The following HMGA2 variants were observed in gnomAD, a reference collection of about 807,000 sequenced individuals.
HMGA2 encodes high mobility group AT-hook 2.
A neutral mutation model predicts 19.1 loss-of-function variants in HMGA2; 8 were observed. The observed-to-expected ratio is 0.42, with a 90% CI of 0.25 to 0.76. The LOEUF (loss-of-function observed/expected upper bound fraction) is 0.76. Ranked by LOEUF, HMGA2 falls within the 30% of genes least tolerant of loss-of-function variation. The pLI, the probability that HMGA2 is intolerant of heterozygous loss-of-function variation, is 0.28. For synonymous variants in HMGA2, 60 were observed against 48.8 expected, an observed-to-expected ratio of 1.23 and a Z score of -0.96; for missense variants, 109 against 136.3, an observed-to-expected ratio of 0.80 and a Z score of 1.00.
chr12:65,896,502 G>T (rs529002704), intron 3 of HMGA2, among the ~76,000 whole-genome samples: 165 of 152,340 alleles, frequency 1.1e-3, no homozygotes, highest in South Asian at 2.5e-3. Context: ...TGTAGGGGGA[G>T]TGTGGTGCTT....
In HMGA2 at chr12:65,922,187, C is replaced by G. The variant is rs573984843; in HGVS notation, c.250-29196C>G. ...GCTGTGAGAAGAGGGTCACCATCCCCCAGGCCCCAGAATGGTAGATCTACT... is the reference window on the plus strand; with the variant it reads ...GCTGTGAGAAGAGGGTCACCATCCCGCAGGCCCCAGAATGGTAGATCTACT... On this transcript the variant is annotated intron_variant, in intron 3 of 4. Transcript: ENST00000403681. 2.6e-5 allele frequency among the ~76,000 whole-genome samples: 4 copies of G among 152,266 alleles called. No individual in the cohort carries two copies. In the East Asian group the frequency reaches 7.7e-4, roughly 29 times the overall value.
At chr12:65,841,818 G>A (rs913571958) in intron 3 of HMGA2, among the ~76,000 whole-genome samples, 12 of 152,112 alleles carry the variant, frequency 7.9e-5, no homozygotes, top group Non-Finnish European at 1.0e-4. Flanking sequence ...GATACCTACC[G>A]AGGAATCCTC....
intron 3 of HMGA2, among the ~76,000 whole-genome samples, chr12:65,910,272 A>G (rs1055244535): frequency 6.6e-6 from 1 of 152,154 alleles, no homozygotes; most frequent in Non-Finnish European, 1.5e-5. Flanking sequence ...TTGCCTAACC[A>G]TTCTCATGAA....
intron 2 of HMGA2, chr12:65,828,979 C>G (rs999766906): frequency 3.3e-5 from 5 of 152,092 alleles, no homozygotes; most frequent in Non-Finnish European, 7.4e-5. Flanking sequence ...AAAAAAGTTT[C>G]TGCGTTGTAT....
chr12:65,898,821 G>A (rs990937439), intron 3 of HMGA2, among the ~76,000 whole-genome samples: 50 of 151,966 alleles, frequency 3.3e-4, no homozygotes, highest in African/African-American at 1.2e-3. Context: ...GAGGCAGGCA[G>A]GTCACAAGGT....
intron 2 of HMGA2, among the ~76,000 whole-genome samples, chr12:65,835,674 C>G (rs1870685100): frequency 6.6e-6 from 1 of 152,018 alleles, no homozygotes; most frequent in Admixed American, 6.6e-5. Flanking sequence ...TTTGCTTTCT[C>G]TGATTTTGAA....
chr12:65,932,383 C>G (rs1373904589), intron 3 of HMGA2, among the ~76,000 whole-genome samples: 1 of 152,226 alleles, frequency 6.6e-6, no homozygotes, highest in Non-Finnish European at 1.5e-5. Flanking sequence ...ATAAGCATCA[C>G]TAGACTTGTC....
intron 3 of HMGA2, among the ~76,000 whole-genome samples, chr12:65,922,335 C>A (rs1430242059): frequency 6.6e-6 from 1 of 152,200 alleles, no homozygotes; most frequent in East Asian, 1.9e-4. Context: ...CCGTAGGAAC[C>A]AACCTCTTAC....
At chr12:65,900,489 A>T (rs953238376) in intron 3 of HMGA2, among the ~76,000 whole-genome samples, 1 of 152,246 alleles carries the variant, frequency 6.6e-6, no homozygotes, top group Non-Finnish European at 1.5e-5. Flanking sequence ...AACCTGGTTC[A>T]GGTAGAAACC....
At chr12:65,905,269 T>C (rs184507868) in intron 3 of HMGA2, among the ~76,000 whole-genome samples, 1 of 152,098 alleles carries the variant, frequency 6.6e-6, no homozygotes, top group Non-Finnish European at 1.5e-5. Context: ...AATATTGATA[T>C]AGTCAGTTAA....
At position 65,886,390 on chromosome 12, in the gene HMGA2, C is replaced by T. The variant is rs1225876193; in HGVS notation, c.249+47821C>T. On this transcript the variant is annotated intron_variant, in intron 3 of 4. Transcript: ENST00000403681. ...TTTTTTTTTTTTTGAGACCGAGTCT[C>T]CCTCTATCGCCCAGGCTGGAGTGCA... Among the ~76,000 whole-genome samples, 8 of 148,990 alleles carry T rather than the reference C, an allele frequency of 5.4e-5. No individual in the cohort carries two copies. In the South Asian group the frequency reaches 6.4e-4, roughly 12 times the overall value.
At position 65,939,412 on chromosome 12, in the gene HMGA2, G is replaced by A. The variant is rs1876008808; in HGVS notation, c.250-11971G>A. ...GCTCTGTCACCCAGGCTAGAGCACAGTGGCGTGATCTCGGCTCACTGCAAC... is the reference window on the plus strand; with the variant it reads ...GCTCTGTCACCCAGGCTAGAGCACAATGGCGTGATCTCGGCTCACTGCAAC... On this transcript the variant is annotated intron_variant, in intron 3 of 4. Coordinates refer to ENST00000403681, the MANE Select transcript of HMGA2 (RefSeq NM_003483.6). Among the ~76,000 whole-genome samples the A allele has an allele frequency of 1.3e-5, 2 of 151,808 alleles. 1 individual carries two copies. The highest frequency in any genetic ancestry group is 2.9e-5 in the Non-Finnish European group (2 of 67,996).
chr12:65,838,304 T>C (rs546170099), intron 2 of HMGA2, among the ~76,000 whole-genome samples: 13 of 151,648 alleles, frequency 8.6e-5, no homozygotes, highest in Admixed American at 5.9e-4. Flanking sequence ...GTTGCATAGA[T>C]ACCTCTTTAC....
chr12:65,961,565 T>C (rs1876751051), intron 4 of HMGA2, among the ~76,000 whole-genome samples: 1 of 152,228 alleles, frequency 6.6e-6, no homozygotes, highest in Non-Finnish European at 1.5e-5. Flanking sequence ...GTGTGAAATC[T>C]CATGACTTGA....
chr12:65,955,056 C>G (rs2121319202), intron 4 of HMGA2: 1 of 152,300 alleles, frequency 6.6e-6, no homozygotes, highest in South Asian at 2.1e-4. Flanking sequence ...CGGCGGCCAT[C>G]TATAATCCCA....
intron 3 of HMGA2, among the ~76,000 whole-genome samples, chr12:65,879,044 A>AT (rs958560211): frequency 6.6e-6 from 1 of 152,192 alleles, no homozygotes; most frequent in African/African-American, 2.4e-5. Flanking sequence ...TCATCCTTCC[A>AT]TTTTTGACAC....
chr12:65,866,924 A>G, intron 3 of HMGA2: 2 of 457,014 alleles, frequency 4.4e-6, no homozygotes, highest in South Asian at 1.5e-5. Flanking sequence ...GCTGCTGTCA[A>G]GATAGGAACA....
intron 1 of HMGA2, chr12:65,826,879 T>A (rs541106517): frequency 1.3e-5 from 2 of 151,956 alleles, no homozygotes; most frequent in South Asian, 4.2e-4. Context: ...GAAAGAAAAA[T>A]TTGTCTCCGA....
intron 3 of HMGA2, among the ~76,000 whole-genome samples, chr12:65,860,330 T>C (rs1871990376): frequency 6.6e-6 from 1 of 152,324 alleles, no homozygotes; most frequent in Admixed American, 6.5e-5. Flanking sequence ...AATACTGTAC[T>C]GAAAGTGAAA....
Sources: gnomAD v4.1 joint callset for allele counts (sites outside exome capture counted in the v4.1 genomes callset) on GRCh38, gnomAD v4.1.1 for gene constraint, MANE v1.5 for transcripts, NCBI Gene and HGNC (gene_info 2026-07-23, HGNC 2026-07-21) for gene names.